The following UMODL1 variants were observed in gnomAD, a reference collection of about 807,000 sequenced individuals.
UMODL1 encodes uromodulin-like 1.
In UMODL1, 128 loss-of-function variants were observed where a neutral mutation model predicts 136.3. That is an observed-to-expected ratio of 0.94 (90% CI 0.81 to 1.09). The LOEUF (loss-of-function observed/expected upper bound fraction) is 1.09. UMODL1 is among the 50% of genes least tolerant of loss of function. The pLI, the probability that UMODL1 is intolerant of heterozygous loss-of-function variation, is 0.00. For synonymous variants in UMODL1, 721 were observed against 720.0 expected (o/e 1.00, Z -0.02); for missense variants, 1,766 against 1,725.6 (o/e 1.02, Z -0.41).
chr21:42,090,671 T>A (rs1202746111), intron 6 of UMODL1, among the ~76,000 whole-genome samples: 1 of 152,236 alleles, frequency 6.6e-6, no homozygotes, highest in Non-Finnish European at 1.5e-5. Flanking sequence ...ATTTACAAAA[T>A]ATAGTGATTC....
chr21:42,065,640 C>T (rs766881864), intron 1 of UMODL1, among the ~76,000 whole-genome samples: 2 of 151,768 alleles, frequency 1.3e-5, no homozygotes, highest in African/African-American at 2.4e-5. Context: ...CTGGTTCAAG[C>T]GATTCTCCTG....
Position 42,127,130 on chromosome 21 carries a change from G to A in UMODL1, c.3418G>A (p.Glu1140Lys), listed in dbSNP as rs757632351. 6.6e-5 allele frequency: 106 copies of A among 1,614,026 alleles called. No homozygotes were observed. The highest frequency in any genetic ancestry group is 2.2e-5 in the East Asian group (1 of 44,890). ...GTCTGCCAGTGACGATGTCAGGATC[G>A]AAGTGGGGCTCTACAGGCAGAAAAG... ...SVSASDDVRI[E>K]VGLYRQKSNL... The change falls in exon 19 of 23, where the codon GAA (glutamate) becomes AAA (lysine). Residue 1140 changes from glutamate (E) to lysine (K), a missense_variant. Glu to Lys is a moderately conservative substitution (Grantham distance 56). Transcript: ENST00000408910.
intron 21 of UMODL1, among the ~76,000 whole-genome samples, chr21:42,130,824 T>G (rs1488891810): frequency 6.6e-6 from 1 of 151,884 alleles, no homozygotes; most frequent in Non-Finnish European, 1.5e-5. Context: ...TTTTTTTTTT[T>G]TTTGAGACGG....
chr21:42,117,422 T>C (rs1277533086), intron 14 of UMODL1, among the ~76,000 whole-genome samples: 2 of 152,254 alleles, frequency 1.3e-5, no homozygotes, highest in Non-Finnish European at 2.9e-5. Context: ...TCCTGCTCTT[T>C]CCTGCATTCC....
chr21:42,083,992 C>T (rs997696056), intron 2 of UMODL1, 92 bp from the exon 3 acceptor site: 5 of 1,486,040 alleles, frequency 3.4e-6, no homozygotes, highest in Non-Finnish European at 2.8e-6. Context: ...AGGCAGAATT[C>T]AGCACCAGGA....
Position 42,121,186 on chromosome 21 carries a change from C to T in UMODL1, c.2789C>T (p.Pro930Leu). The change falls in exon 16 of 23, where the codon CCC becomes CTC. Residue 930 changes from proline (P) to leucine (L), a missense_variant. Physicochemically the swap from Pro to Leu is moderately conservative, Grantham distance 98 (BLOSUM62 -3). Coordinates refer to ENST00000408910, the MANE Select transcript of UMODL1 (RefSeq NM_001004416.3). ...ACTTGTAGCTGCGAGGGAGGAGCCC[C>T]CGACTTCCCTGTGGAATATTCTGAG... is the stretch of plus-strand genomic sequence containing the variant. ...SFTCSCEGGA[P>L]DFPVEYSERP... 2 of 1,614,038 alleles carry T rather than the reference C, an allele frequency of 1.2e-6. No homozygotes were observed. Among genetic ancestry groups the T allele is most frequent in the Non-Finnish European group, 1.7e-6 (2 of 1,179,966 alleles).
upstream of UMODL1, among the ~76,000 whole-genome samples, chr21:42,069,720 G>A (rs1178741333): frequency 6.6e-6 from 1 of 152,052 alleles, no homozygotes; most frequent in Non-Finnish European, 1.5e-5. Context: ...GATTTACCTT[G>A]ATATTTTATA....
intron 8 of UMODL1, 164 bp downstream of exon 8, chr21:42,102,442 A>G (rs1000793756): frequency 5.6e-6 from 3 of 533,106 alleles, no homozygotes; most frequent in Admixed American, 3.4e-5. Flanking sequence ...GTGATTAGTC[A>G]AAAGCTTTCC....
intron 5 of UMODL1, among the ~76,000 whole-genome samples, chr21:42,088,881 C>T (rs1363155484): frequency 2.6e-5 from 4 of 152,180 alleles, no homozygotes; most frequent in Non-Finnish European, 5.9e-5. Flanking sequence ...CTAAATTTCC[C>T]TCTCGCCTCT....
intron 2 of UMODL1, among the ~76,000 whole-genome samples, chr21:42,079,894 C>T (rs568083874): frequency 1.3e-5 from 2 of 152,264 alleles, no homozygotes; most frequent in East Asian, 3.9e-4. Flanking sequence ...GTGGCTGTGG[C>T]GACTGTGGGA....
At position 42,085,480 on chromosome 21, in the gene UMODL1, G is replaced by T; in HGVS notation, c.603+68G>T. 2 of 1,609,512 alleles carry T rather than the reference G, an allele frequency of 1.2e-6. No individual in the cohort carries two copies. On this transcript the variant is annotated intron_variant, in intron 4 of 22. Coordinates refer to ENST00000408910, the MANE Select transcript of UMODL1 (RefSeq NM_001004416.3). This position sits in a 1 kb window ranked among gnomAD's most constrained non-coding sequence, Gnocchi z 4.5. ...AGCTGCTCAGGCAGACCCAGGTATGGGGCCGTGGAAGGGACCTGGGGGTTG... is the reference window on the plus strand; with the variant it reads ...AGCTGCTCAGGCAGACCCAGGTATGTGGCCGTGGAAGGGACCTGGGGGTTG...
At chr21:42,127,901 G>A in intron 20 of UMODL1, 70 bp downstream of exon 20, 1 of 1,601,324 alleles carries the variant, frequency 6.2e-7, no homozygotes, top group South Asian at 1.1e-5. Context: ...TCGAGGCTCT[G>A]TTAATAAAAA....
chr21:42,126,319 C>T (rs2067052715), intron 17 of UMODL1, 26 bp from the exon 18 acceptor site: 5 of 1,612,556 alleles, frequency 3.1e-6, no homozygotes, highest in South Asian at 2.2e-5. Flanking sequence ...GGCCTGGGAG[C>T]TCCTCATGCT....
Position 42,123,760 on chromosome 21 carries a change from C to T in UMODL1, c.3147+610C>T, listed in dbSNP as rs115688055. ...TGTGTGCATGTGTGCGTGAGTTGAG[C>T]ATGTGTGGATGCGTTTGTCCATGTG... On this transcript the variant is annotated intron_variant, in intron 17 of 22. Transcript: ENST00000408910. This position sits in a 1 kb window ranked among gnomAD's most constrained non-coding sequence, Gnocchi z 4.4. Among the ~76,000 whole-genome samples the T allele has an allele frequency of 8.6e-3, 1,304 of 152,084 alleles. 18 individuals carry two copies. The highest frequency in any genetic ancestry group is 0.03 in the African/African-American group (1,231 of 41,478).
chr21:42,097,471 A>G (rs76290386), intron 6 of UMODL1, among the ~76,000 whole-genome samples: 7,678 of 152,284 alleles, frequency 0.05, 245 homozygotes, highest in African/African-American at 0.09. Context: ...TGAGCCTCTC[A>G]GCAGCCAAGG....
chr21:42,072,759 A>G (rs220279), intron 1 of UMODL1, among the ~76,000 whole-genome samples: 121,816 of 152,126 alleles, frequency 0.8, 49,119 homozygotes, highest in Admixed American at 0.88. Context: ...GGGTGTGAGC[A>G]CAGGTCCATC....
rs200975680 is a variant in UMODL1, at chr21:42,127,745, A to C, written c.3604A>C (p.Ile1202Leu). The change falls in exon 20 of 23, where the codon ATC becomes CTC. Residue 1202 changes from isoleucine (I) to leucine (L), a missense_variant. Coordinates refer to ENST00000408910, the MANE Select transcript of UMODL1 (RefSeq NM_001004416.3). ...NSNKAQFKLR[I>L]FSFINDSIVY... ...CAATAAGGCCCAGTTCAAGCTGAGG[A>C]TCTTTTCCTTTATCAACGACTCCAT... 2 of 1,614,206 alleles carry C rather than the reference A, an allele frequency of 1.2e-6. No homozygotes were observed. The highest frequency in any genetic ancestry group is 1.7e-5 in the Admixed American group (1 of 60,014).
At chr21:42,063,485 C>G (rs1569133838) in intron 1 of UMODL1, among the ~76,000 whole-genome samples, 1 of 152,194 alleles carries the variant, frequency 6.6e-6, no homozygotes, top group African/African-American at 2.4e-5. Flanking sequence ...AAGAGCTTCC[C>G]AGCAGGTGAG....
intron 1 of UMODL1, among the ~76,000 whole-genome samples, chr21:42,073,141 G>C (rs984945894): frequency 6.6e-6 from 1 of 152,214 alleles, no homozygotes; most frequent in Non-Finnish European, 1.5e-5. Flanking sequence ...ACCAGGAGCT[G>C]TAAGTGTCCT....
Sources: gnomAD v4.1 joint callset for allele counts (sites outside exome capture counted in the v4.1 genomes callset) on GRCh38, gnomAD v4.1.1 for gene constraint, Gnocchi (gnomAD v3.1) non-coding constraint, MANE v1.5 for transcripts, NCBI Gene and HGNC (gene_info 2026-07-23, HGNC 2026-07-21) for gene names.